The following ASTN1 variants were observed in gnomAD, a reference collection of about 807,000 sequenced individuals.
The protein encoded by ASTN1 is astrotactin 1.
Under a neutral mutation model 140.7 loss-of-function variants are expected in ASTN1, and 41 were observed. The observed-to-expected ratio is 0.29, with a 90% CI of 0.23 to 0.38. ASTN1 has a LOEUF of 0.38. Ranked by LOEUF, ASTN1 falls within the 10% of genes least tolerant of loss-of-function variation. The pLI is 1.00. For missense variants in ASTN1, 1,479 were observed against 1,678.8 expected (o/e 0.88, Z 2.08); for synonymous variants, 640 against 652.2 (o/e 0.98, Z 0.29).
In ASTN1 at chr1:176,864,083, G is replaced by A; in HGVS notation, c.*201C>T. The A allele has an allele frequency of 7.1e-7, 1 of 1,402,058 alleles. No individual in the cohort carries two copies. The allele number at this position is 1,402,058 out of a possible 1,614,324, so 86.9% of individuals were successfully genotyped here. On this transcript the variant is annotated 3_prime_UTR_variant, in exon 23 of 23. Transcript: ENST00000361833. ...TGGCACTGCATGAAGCCACTGGCTG[G>A]CAGATTTCCCAATCATGCAGATGGA...
At chr1:176,943,812 A>G (rs1235110707) in intron 14 of ASTN1, 79 bp downstream of exon 14, 81 of 1,471,092 alleles carry the variant, frequency 5.5e-5, no homozygotes, top group Non-Finnish European at 7.1e-5. Flanking sequence ...AAAATAAGTG[A>G]GGTCAAATCT....
intron 1 of ASTN1, among the ~76,000 whole-genome samples, chr1:177,127,235 T>C (rs1681700501): frequency 6.6e-6 from 1 of 152,202 alleles, no homozygotes; most frequent in Admixed American, 6.5e-5. Context: ...TTCCTGTATG[T>C]GGAAGACTTT....
At chr1:176,939,112 A>G (rs75729021) in intron 14 of ASTN1, among the ~76,000 whole-genome samples, 1 of 143,826 alleles carries the variant, frequency 7.0e-6, no homozygotes, top group Non-Finnish European at 1.5e-5. Context: ...ACACCATCTC[A>G]AAAAAAAAAA....
Position 177,023,411 on chromosome 1 carries a change from G to A in ASTN1, c.1431C>T (p.Pro477=), listed in dbSNP as rs773583241. Residue 477 remains proline (P), a synonymous_variant, in exon 7 of 23, where the codon CCC becomes CCT. Transcript: ENST00000361833. Reference sequence around the variant, plus strand: ...CCCGGTGCTCCCGCCTACCAGTTTCGGGGTCACATTGGTGTTCACAGGGGT... The same window carrying A: ...CCCGGTGCTCCCGCCTACCAGTTTCAGGGTCACATTGGTGTTCACAGGGGT... ...LLDPCEHQCD[P]ETGECLCYEG... 6.3e-6 allele frequency: 10 copies of A among 1,592,104 alleles called. No homozygotes were observed. Among genetic ancestry groups the A allele is most frequent in the Non-Finnish European group, 4.3e-6 (5 of 1,169,104 alleles).
chr1:177,142,196 A>G (rs1212785476), intron 1 of ASTN1, among the ~76,000 whole-genome samples: 5 of 152,076 alleles, frequency 3.3e-5, no homozygotes, highest in Non-Finnish European at 5.9e-5. Context: ...AATAAAAATA[A>G]TAATTACACA....
At chr1:177,144,921 T>C (rs1445881191) in intron 1 of ASTN1, among the ~76,000 whole-genome samples, 1 of 152,118 alleles carries the variant, frequency 6.6e-6, no homozygotes, top group Admixed American at 6.5e-5. Context: ...AAACACATGA[T>C]TTACTCCAGG....
intron 1 of ASTN1, among the ~76,000 whole-genome samples, chr1:177,095,052 T>C (rs1320116509): frequency 6.6e-6 from 1 of 152,212 alleles, no homozygotes; most frequent in Admixed American, 6.5e-5. Flanking sequence ...TGTCCCAGTA[T>C]TTTGTAGAAG....
At chr1:176,994,199 T>C (rs1417851816) in intron 8 of ASTN1, among the ~76,000 whole-genome samples, 2 of 149,966 alleles carry the variant, frequency 1.3e-5, no homozygotes, top group African/African-American at 4.9e-5. Flanking sequence ...TTCTATGGAC[T>C]GTTTAGTGGT....
intron 22 of ASTN1, among the ~76,000 whole-genome samples, chr1:176,867,750 G>C (rs1668177002): frequency 6.6e-6 from 1 of 152,176 alleles, no homozygotes; most frequent in Non-Finnish European, 1.5e-5. Flanking sequence ...TTCTGGGAAA[G>C]TTTATAACTG....
chr1:177,110,386 C>T (rs952189408), intron 1 of ASTN1, among the ~76,000 whole-genome samples: 8 of 152,104 alleles, frequency 5.3e-5, no homozygotes, highest in Non-Finnish European at 7.4e-5. Context: ...ATCATTGTAC[C>T]GTTTTGGCTG....
chr1:177,098,329 G>C (rs972151197), intron 1 of ASTN1, among the ~76,000 whole-genome samples: 20 of 152,172 alleles, frequency 1.3e-4, no homozygotes, highest in Non-Finnish European at 2.8e-4. Context: ...TTGGTGTCAG[G>C]AGTGTTGTGA....
At chr1:177,039,026 G>T (rs772869451) in intron 2 of ASTN1, among the ~76,000 whole-genome samples, 11 of 152,114 alleles carry the variant, frequency 7.2e-5, no homozygotes, top group African/African-American at 2.4e-4. Flanking sequence ...AAAGAATCTG[G>T]ATCTATTAAA....
At chr1:176,869,116 A>ATAATGT in intron 21 of ASTN1, 89 bp from the exon 22 acceptor site, 4 of 934,140 alleles carry the variant, frequency 4.3e-6, no homozygotes, top group Non-Finnish European at 5.9e-6. Flanking sequence ...TATATCATAT[A>ATAATGT]GACATATCAC....
intron 8 of ASTN1, among the ~76,000 whole-genome samples, chr1:176,988,085 A>G (rs975755462): frequency 6.6e-5 from 10 of 152,198 alleles, no homozygotes; most frequent in African/African-American, 2.4e-4. Flanking sequence ...TGAACAAGTT[A>G]ATTTGAGATA....
At chr1:177,154,150 T>C (rs1683149702) in intron 1 of ASTN1, among the ~76,000 whole-genome samples, 1 of 152,200 alleles carries the variant, frequency 6.6e-6, no homozygotes, top group African/African-American at 2.4e-5. Flanking sequence ...TGGAGTATTA[T>C]TTGTAGTGAC....
At chr1:177,139,414 G>C (rs751384610) in intron 1 of ASTN1, among the ~76,000 whole-genome samples, 1 of 152,134 alleles carries the variant, frequency 6.6e-6, no homozygotes, top group Non-Finnish European at 1.5e-5. Flanking sequence ...GGGCAACGAA[G>C]GAGAAAAGAG....
intron 2 of ASTN1, among the ~76,000 whole-genome samples, chr1:177,037,190 T>A (rs1423935878): frequency 6.6e-6 from 1 of 152,166 alleles, no homozygotes; most frequent in Admixed American, 6.5e-5. Context: ...TCATGGATAC[T>A]GTAGGATTTT....
At chr1:176,906,854 A>AG (rs1242161343) in intron 16 of ASTN1, among the ~76,000 whole-genome samples, 1 of 151,384 alleles carries the variant, frequency 6.6e-6, no homozygotes, top group African/African-American at 2.5e-5. Flanking sequence ...AAAAAAAAAA[A>AG]AAAAAAGAAA....
chr1:176,944,079 A>ATT (rs35968661), intron 13 of ASTN1, 61 bp from the exon 14 acceptor site: 1,658 of 1,413,004 alleles, frequency 1.2e-3, no homozygotes, highest in African/African-American at 2.8e-3. Flanking sequence ...CTTACTGAGC[A>ATT]TTTTTTTTTT....
Sources: gnomAD v4.1 joint callset for allele counts (sites outside exome capture counted in the v4.1 genomes callset) on GRCh38, gnomAD v4.1.1 for gene constraint, MANE v1.5 for transcripts, NCBI Gene and HGNC (gene_info 2026-07-23, HGNC 2026-07-21) for gene names.